MTHFD2L: variants seen among roughly 807,000 people sequenced by gnomAD.
The protein encoded by MTHFD2L is bifunctional methylenetetrahydrofolate dehydrogenase/cyclohydrolase 2, mitochondrial.
MTHFD2L carries 29 observed loss-of-function variants against 34.9 expected under a neutral mutation model. That is an observed-to-expected ratio of 0.83 (90% CI 0.62 to 1.13). The LOEUF (loss-of-function observed/expected upper bound fraction) is 1.13, where lower values mean the gene tolerates loss of function less well. MTHFD2L is among the 50% of genes most tolerant of loss of function. The pLI, the probability that MTHFD2L is intolerant of heterozygous loss-of-function variation, is 0.00. For synonymous variants in MTHFD2L, 167 were observed against 155.7 expected (o/e 1.07, Z -0.54); for missense variants, 481 against 446.5 (o/e 1.08, Z -0.70).
Position 74,175,274 on chromosome 4 carries a change from C to G in MTHFD2L, c.329-7C>G, listed in dbSNP as rs771052659. The G allele has an allele frequency of 6.2e-7, 1 of 1,609,562 alleles. No individual in the cohort carries two copies. Among genetic ancestry groups the G allele is most frequent in the East Asian group, 2.2e-5 (1 of 44,840 alleles). On this transcript the variant is annotated splice_region_variant and splice_polypyrimidine_tract_variant and intron_variant, in intron 2 of 7. Coordinates refer to ENST00000325278, the MANE Select transcript of MTHFD2L (RefSeq NM_001144978.3). ...CAAGTGACCTTCTCTACCTGTTTTT[C>G]TTCTAGGTATTTGTAGTGAGCTCAT...
intron 6 of MTHFD2L, among the ~76,000 whole-genome samples, chr4:74,240,113 C>T (rs1426406306): frequency 2.0e-5 from 3 of 152,106 alleles, no homozygotes; most frequent in Admixed American, 6.6e-5. Flanking sequence ...AAGGGGTTCC[C>T]CCTCCTCTAC....
intron 7 of MTHFD2L, chr4:74,293,533 G>A: frequency 3.0e-6 from 3 of 984,028 alleles, no homozygotes; most frequent in Non-Finnish European, 3.6e-6. Flanking sequence ...AAAACTTGTG[G>A]AAACCTCAAG....
intron 1 of MTHFD2L, chr4:74,160,241 C>T (rs1272515176): frequency 4.3e-6 from 2 of 468,258 alleles, no homozygotes; most frequent in Non-Finnish European, 7.0e-6. Context: ...GTGTTATTCT[C>T]ACTGAAAATT....
At chr4:74,181,853 A>C (rs1730233890) in intron 3 of MTHFD2L, 2 of 152,264 alleles carry the variant, frequency 1.3e-5, no homozygotes, top group South Asian at 4.1e-4. Context: ...AATAATTAGT[A>C]GGCATAAAAA....
chr4:74,153,689 C>T (rs1047966919), upstream of MTHFD2L, among the ~76,000 whole-genome samples: 1 of 152,074 alleles, frequency 6.6e-6, no homozygotes, highest in African/African-American at 2.4e-5. Flanking sequence ...ATAAAGTCCA[C>T]CTTTAAAGAT....
chr4:74,173,710 T>C (rs1728466258), intron 1 of MTHFD2L, among the ~76,000 whole-genome samples: 1 of 152,202 alleles, frequency 6.6e-6, no homozygotes, highest in Non-Finnish European at 1.5e-5. Flanking sequence ...CAGTTTTAAC[T>C]AGGCTGTGCT....
chr4:74,116,827 T>C (rs974458414), intron 2 of MTHFD2L, among the ~76,000 whole-genome samples: 1 of 152,244 alleles, frequency 6.6e-6, no homozygotes, highest in African/African-American at 2.4e-5. Context: ...TCCTTGACAC[T>C]AAAGTGGTAG....
chr4:74,300,644 A>AT (rs1441866694), intron 7 of MTHFD2L, among the ~76,000 whole-genome samples: 1 of 152,070 alleles, frequency 6.6e-6, no homozygotes, highest in Non-Finnish European at 1.5e-5. Context: ...AAGTAAATGA[A>AT]TGCAGTAAGT....
intron 6 of MTHFD2L, among the ~76,000 whole-genome samples, chr4:74,258,553 A>G (rs1489268833): frequency 6.6e-6 from 1 of 152,162 alleles, no homozygotes; most frequent in Admixed American, 6.6e-5. Context: ...TGAGTTTTTC[A>G]GGACTAACTG....
At chr4:74,200,091 T>C (rs186617782) in intron 4 of MTHFD2L, 145 bp downstream of exon 4, 1 of 650,322 alleles carries the variant, frequency 1.5e-6, no homozygotes, top group East Asian at 3.0e-5. Context: ...AGATATAAAA[T>C]TGTAGAAGTC....
At chr4:74,180,773 C>A in intron 3 of MTHFD2L, 1 of 422,802 alleles carries the variant, frequency 2.4e-6, no homozygotes, top group Non-Finnish European at 5.0e-6. Context: ...GACCCTAAAG[C>A]TAAGGAGAAA....
At position 74,178,139 on chromosome 4, in the gene MTHFD2L, G is replaced by A. The variant is rs896547950; in HGVS notation, c.451+2736G>A. On this transcript the variant is annotated intron_variant, in intron 3 of 7. Transcript: ENST00000325278. ...GTTGGTTAAAGGATACAAAATTTTA[G>A]TTAGACAGGAATAAGTTGTGGAGGT... 5.8e-4 allele frequency among the ~76,000 whole-genome samples: 88 copies of A among 151,960 alleles called. 1 individual carries two copies. The highest frequency in any genetic ancestry group is 1.9e-3 in the African/African-American group (78 of 41,422).
intron 6 of MTHFD2L, among the ~76,000 whole-genome samples, chr4:74,272,233 C>T (rs540812865): frequency 7.2e-5 from 11 of 152,060 alleles, no homozygotes; most frequent in African/African-American, 2.2e-4. Flanking sequence ...TGTGGGATCA[C>T]GGAGGAGGAA....
In MTHFD2L at chr4:74,196,895, G is replaced by T. The variant is rs530009767; in HGVS notation, c.452-2899G>T. The stretch of plus-strand genomic sequence containing the variant: ...CAGGAGGCGGAGGTTGCAGTGACCT[G>T]AGATCATACCACTGCACTCCAGCCT... On this transcript the variant is annotated intron_variant, in intron 3 of 7. Coordinates refer to ENST00000325278, the MANE Select transcript of MTHFD2L (RefSeq NM_001144978.3). Among the ~76,000 whole-genome samples the T allele has an allele frequency of 2.7e-5, 4 of 148,296 alleles. No individual in the cohort carries two copies. In the East Asian group the frequency reaches 8.0e-4, roughly 30 times the overall value.
At chr4:74,186,906 G>A (rs1258348560) in intron 3 of MTHFD2L, among the ~76,000 whole-genome samples, 2 of 152,084 alleles carry the variant, frequency 1.3e-5, no homozygotes, top group Non-Finnish European at 2.9e-5. Flanking sequence ...ATGTCAAAAT[G>A]AGTTATAAAG....
chr4:74,252,346 A>T (rs1161627096), intron 6 of MTHFD2L, among the ~76,000 whole-genome samples: 1 of 152,248 alleles, frequency 6.6e-6, no homozygotes, highest in Non-Finnish European at 1.5e-5. Flanking sequence ...CTGTAGGATG[A>T]GATATCTCGG....
upstream of MTHFD2L, among the ~76,000 whole-genome samples, chr4:74,154,476 ATATT>A (rs1168586786): frequency 6.6e-6 from 1 of 152,096 alleles, no homozygotes; most frequent in East Asian, 1.9e-4. Flanking sequence ...ATTCAATCAC[ATATT>A]TATTTATATG....
chr4:74,190,498 C>T, intron 3 of MTHFD2L: 2 of 985,386 alleles, frequency 2.0e-6, no homozygotes, highest in South Asian at 9.4e-5. Context: ...ACCAGACCCA[C>T]CTTTTTCCGG....
intron 6 of MTHFD2L, chr4:74,241,557 T>C: frequency 2.2e-6 from 1 of 448,762 alleles, no homozygotes; most frequent in Non-Finnish European, 4.5e-6. Context: ...AATTTTTGTA[T>C]TTTTTGTAGA....
Sources: allele counts gnomAD v4.1 joint callset (sites outside exome capture counted in the v4.1 genomes callset), GRCh38; gene constraint gnomAD v4.1.1; transcripts MANE v1.5; gene names NCBI Gene and HGNC (gene_info 2026-07-23, HGNC 2026-07-21).